The following PDLIM5 variants were observed in gnomAD, a reference collection of about 807,000 sequenced individuals.
The protein encoded by PDLIM5 is PDZ and LIM domain 5, also known as PDZ and LIM domain protein 5.
PDLIM5 carries 34 observed loss-of-function variants against 64.2 expected under a neutral mutation model. The ratio of observed to expected loss-of-function variants is 0.53; its 90% CI spans 0.40 to 0.71. The LOEUF (loss-of-function observed/expected upper bound fraction) is 0.71, where lower values mean the gene tolerates loss of function less well. PDLIM5 is among the 30% of genes least tolerant of loss of function. The probability of loss-of-function intolerance (pLI) is 0.00; values close to 1 mark genes in which losing one functional copy is unlikely to be tolerated. For missense variants in PDLIM5, 683 were observed against 733.6 expected (o/e 0.93, Z 0.80); for synonymous variants, 253 against 269.1 (o/e 0.94, Z 0.59).
intron 7 of PDLIM5, chr4:94,586,847 C>T: frequency 2.7e-6 from 2 of 746,624 alleles, no homozygotes; most frequent in Non-Finnish European, 4.2e-6. Context: ...AAATTTTTGC[C>T]ACTTAATAAA....
chr4:94,600,302 A>G (rs1049641397), intron 7 of PDLIM5, among the ~76,000 whole-genome samples: 1 of 152,194 alleles, frequency 6.6e-6, no homozygotes, highest in African/African-American at 2.4e-5. Flanking sequence ...ATGATCCAGA[A>G]TATTTGGCTA....
Position 94,607,341 on chromosome 4 carries a change from T to C in PDLIM5, c.921-10663T>C, listed in dbSNP as rs1738008346. Among the ~76,000 whole-genome samples, 4 of 152,092 alleles carry C rather than the reference T, an allele frequency of 2.6e-5. No homozygotes were observed. The South Asian group carries it at 8.3e-4, about 32-fold the overall frequency. ...CCAAAGTTTTATACTTGGTGCTTTC[T>C]TTTTTTTGAACTTAACATTGAGTTC... On this transcript the variant is annotated intron_variant, in intron 7 of 12. Transcript: ENST00000317968.
chr4:94,455,975 G>C (rs987706461), intron 2 of PDLIM5: 1 of 1,471,504 alleles, frequency 6.8e-7, no homozygotes, highest in Non-Finnish European at 9.0e-7. Flanking sequence ...AATGTATTCT[G>C]TGTATATATT....
intron 3 of PDLIM5, among the ~76,000 whole-genome samples, chr4:94,553,056 T>G (rs1407430398): frequency 1.3e-5 from 2 of 150,546 alleles, no homozygotes; most frequent in Non-Finnish European, 3.0e-5. Flanking sequence ...AACCAATGAC[T>G]TCTCCTAGTA....
rs35147211 is a variant in PDLIM5, at chr4:94,481,290, C to CT, written c.96+25924dup. Among the ~76,000 whole-genome samples, 399 of 129,612 alleles carry CT rather than the reference C, an allele frequency of 3.1e-3. 1 individual carries two copies. Among genetic ancestry groups the CT allele is most frequent in the South Asian group, 9.9e-3 (42 of 4,260 alleles). 85.0% of individuals were successfully genotyped at this position (129,612 alleles called of 152,430 possible). ...TGATGCTGATAAAGACAGCTTATTC[C>CT]TTTTTTTTTTTTTTTTTTGAGACAG... On this transcript the variant is annotated intron_variant, in intron 2 of 12. Coordinates refer to ENST00000317968, the MANE Select transcript of PDLIM5 (RefSeq NM_006457.5).
At chr4:94,636,053 T>C (rs1740533819) in intron 8 of PDLIM5, among the ~76,000 whole-genome samples, 1 of 152,218 alleles carries the variant, frequency 6.6e-6, no homozygotes, top group Non-Finnish European at 1.5e-5. Flanking sequence ...TTAGAGCCTT[T>C]TTATGTGTGT....
chr4:94,512,891 A>G (rs1729015039), intron 2 of PDLIM5, among the ~76,000 whole-genome samples: 1 of 152,034 alleles, frequency 6.6e-6, no homozygotes, highest in Admixed American at 6.6e-5. Context: ...TCTTTAATCC[A>G]TTTTAGTTTG....
chr4:94,611,247 A>G, intron 7 of PDLIM5: 14 of 1,485,676 alleles, frequency 9.4e-6, no homozygotes, highest in Non-Finnish European at 1.3e-5. Flanking sequence ...TGTTAAGCAT[A>G]CTGCTTTCTC....
intron 3 of PDLIM5, among the ~76,000 whole-genome samples, chr4:94,546,087 T>C (rs1732287192): frequency 6.6e-6 from 1 of 152,226 alleles, no homozygotes; most frequent in African/African-American, 2.4e-5. Flanking sequence ...TGTTTTCCAC[T>C]TTTGTGCATA....
intron 2 of PDLIM5, among the ~76,000 whole-genome samples, chr4:94,504,671 T>C (rs1005504884): frequency 2.0e-5 from 3 of 152,200 alleles, no homozygotes; most frequent in African/African-American, 7.2e-5. Context: ...TATGCACCAG[T>C]AACTTGTTAA....
chr4:94,611,910 T>C (rs749333388), intron 7 of PDLIM5, among the ~76,000 whole-genome samples: 1 of 152,136 alleles, frequency 6.6e-6, no homozygotes, highest in Non-Finnish European at 1.5e-5. Context: ...ACCATTCTTA[T>C]AGAGATTTTT....
chr4:94,467,147 C>A (rs1407934412), intron 2 of PDLIM5, among the ~76,000 whole-genome samples: 1 of 152,050 alleles, frequency 6.6e-6, no homozygotes, highest in Non-Finnish European at 1.5e-5. Flanking sequence ...TCAAGAAAAC[C>A]CCCGAGTCTT....
intron 3 of PDLIM5, among the ~76,000 whole-genome samples, chr4:94,566,440 G>A (rs1734325896): frequency 6.6e-6 from 1 of 152,110 alleles, no homozygotes; most frequent in South Asian, 2.1e-4. Context: ...TATATAATCA[G>A]AAATAGAATA....
chr4:94,533,313 A>G (rs1731054362), intron 3 of PDLIM5, among the ~76,000 whole-genome samples: 1 of 152,140 alleles, frequency 6.6e-6, no homozygotes, highest in Non-Finnish European at 1.5e-5. Flanking sequence ...TTAACATATG[A>G]AAGTCTTATT....
chr4:94,488,596 T>A (rs1726565971), intron 2 of PDLIM5, among the ~76,000 whole-genome samples: 2 of 152,226 alleles, frequency 1.3e-5, no homozygotes. Flanking sequence ...CATCTTTTGT[T>A]ATTTTTGATA....
chr4:94,589,930 T>C (rs1490214206), intron 7 of PDLIM5, among the ~76,000 whole-genome samples: 3 of 50 alleles, frequency 0.06, no homozygotes, highest in African/African-American at 0.15. Flanking sequence ...GTGCACCACC[T>C]GCCCAGCTAA....
intron 7 of PDLIM5, among the ~76,000 whole-genome samples, chr4:94,614,320 G>T (rs1272616454): frequency 1.3e-5 from 2 of 151,970 alleles, no homozygotes; most frequent in Admixed American, 1.3e-4. Context: ...TTGCCGTGTT[G>T]CCCAGGCTGG....
chr4:94,463,540 T>C (rs1724083018), intron 2 of PDLIM5, among the ~76,000 whole-genome samples: 1 of 152,010 alleles, frequency 6.6e-6, no homozygotes. Context: ...TCACTTTGAG[T>C]AGGCTGAGAA....
intron 3 of PDLIM5, among the ~76,000 whole-genome samples, chr4:94,546,562 G>A (rs1732335516): frequency 6.6e-6 from 1 of 151,932 alleles, no homozygotes. Context: ...ACTCTTTAGG[G>A]AAATATTTTA....
Sources: gnomAD v4.1 joint callset for allele counts (sites outside exome capture counted in the v4.1 genomes callset) on GRCh38, gnomAD v4.1.1 for gene constraint, MANE v1.5 for transcripts, NCBI Gene and HGNC (gene_info 2026-07-23, HGNC 2026-07-21) for gene names.